GPCPD1: variants seen among roughly 807,000 people sequenced by gnomAD.
The protein encoded by GPCPD1 is glycerophosphocholine phosphodiesterase GPCPD1.
Under a neutral mutation model 89.2 loss-of-function variants are expected in GPCPD1, and 29 were observed. That is an observed-to-expected ratio of 0.33 (90% CI 0.24 to 0.44). The LOEUF (loss-of-function observed/expected upper bound fraction) is 0.44, where lower values mean the gene tolerates loss of function less well. Ranked by LOEUF, GPCPD1 falls within the 20% of genes least tolerant of loss-of-function variation. The pLI, the probability that GPCPD1 is intolerant of heterozygous loss-of-function variation, is 1.00. For missense variants in GPCPD1, 594 were observed against 808.9 expected (o/e 0.73, Z 3.22); for synonymous variants, 258 against 266.3 (o/e 0.97, Z 0.30).
chr20:5,589,785 CA>C (rs2122738084), intron 4 of GPCPD1, among the ~76,000 whole-genome samples: 1 of 152,186 alleles, frequency 6.6e-6, no homozygotes, highest in South Asian at 2.1e-4. Flanking sequence ...AGTTCTGAAA[CA>C]AAACATTCTG....
chr20:5,610,952 C>T lies in GPCPD1; in HGVS notation c.-139G>A, dbSNP rs1198832149. ...GTCCGTGCCTCGCCAGCGCTCCCCC[C>T]AGGCGGCCTGCCGCGGCGTCGAGCG... On this transcript the variant is annotated 5_prime_UTR_variant, in exon 1 of 20. Coordinates refer to ENST00000379019, the MANE Select transcript of GPCPD1 (RefSeq NM_019593.5). 6.7e-6 allele frequency: 1 copy of T among 149,258 alleles called. No homozygotes were observed. Among genetic ancestry groups the T allele is most frequent in the African/African-American group, 2.5e-5 (1 of 40,606 alleles). 9.2% of individuals were successfully genotyped at this position (149,258 alleles called of 1,614,324 possible).
intron 1 of GPCPD1, among the ~76,000 whole-genome samples, chr20:5,610,534 T>C (rs1467132019): frequency 6.6e-6 from 1 of 152,158 alleles, no homozygotes; most frequent in Non-Finnish European, 1.5e-5. Context: ...GGTAGTCCTA[T>C]GCTCCACGCA....
At chr20:5,583,225 C>CAAAAAA (rs35153907) in intron 6 of GPCPD1, among the ~76,000 whole-genome samples, 4 of 64,284 alleles carry the variant, frequency 6.2e-5, no homozygotes, top group African/African-American at 1.4e-4. Flanking sequence ...AACTCCATCT[C>CAAAAAA]AAAAAAAAAA....
In GPCPD1 at chr20:5,547,792, G is replaced by A. The variant is rs1302047631; in HGVS notation, c.1888C>T (p.Leu630=). 6.2e-7 allele frequency: 1 copy of A among 1,610,792 alleles called. No individual in the cohort carries two copies. Among genetic ancestry groups the A allele is most frequent in the South Asian group, 1.1e-5 (1 of 90,856 alleles). The change falls in exon 20 of 20, where the codon CTG becomes TTG. Residue 630 remains leucine, a synonymous_variant. Coordinates refer to ENST00000379019, the MANE Select transcript of GPCPD1 (RefSeq NM_019593.5). ...NIFQVEQLER[L]KQELPELKSC... is the part of the protein sequence containing the mutation. ...TTAAGCTCTGGCAATTCCTGCTTCA[G>A]GCGTTCCAATTGCTCCACTTGGAAT...
intron 11 of GPCPD1, 66 bp downstream of exon 11, chr20:5,573,849 T>C (rs1986856677): frequency 1.2e-6 from 1 of 858,546 alleles, no homozygotes; most frequent in Admixed American, 1.8e-5. Flanking sequence ...TAATAAAAAC[T>C]GGAGGAGACT....
chr20:5,608,737 C>T (rs16991129), intron 1 of GPCPD1, among the ~76,000 whole-genome samples: 1 of 152,100 alleles, frequency 6.6e-6, no homozygotes, highest in Non-Finnish European at 1.5e-5. Flanking sequence ...GATAATTTAA[C>T]CAACTCGCCT....
chr20:5,570,696 C>T (rs1448010919), intron 11 of GPCPD1, among the ~76,000 whole-genome samples: 1 of 152,132 alleles, frequency 6.6e-6, no homozygotes, highest in Non-Finnish European at 1.5e-5. Flanking sequence ...CCTGAGCAGT[C>T]CACTGTACAG....
chr20:5,567,896 A>G (rs1044531312), intron 12 of GPCPD1: 2 of 184,554 alleles, frequency 1.1e-5, no homozygotes, highest in Non-Finnish European at 2.2e-5. Context: ...TATGCTGTCT[A>G]TACATTTTCT....
chr20:5,593,237 A>C, intron 4 of GPCPD1, 90 bp downstream of exon 4: 1 of 709,728 alleles, frequency 1.4e-6, no homozygotes, highest in Non-Finnish European at 2.5e-6. Context: ...ACCAAAGCAA[A>C]TGCATTTTAC....
chr20:5,548,960 C>T lies in GPCPD1; in HGVS notation c.1830-1110G>A, dbSNP rs191586899. 1.1e-5 allele frequency: 11 copies of T among 983,576 alleles called. No individual in the cohort carries two copies. The African/African-American group carries it at 1.5e-4, about 13-fold the overall frequency. The allele number at this position is 983,576 out of a possible 1,614,324, so 60.9% of individuals were successfully genotyped here. On this transcript the variant is annotated intron_variant, in intron 19 of 19. Transcript: ENST00000379019. ...AAACATCCTCTACAGAACAGATGGG[C>T]ACTCTGGTTTTTTTAAAAAAGATAA...
At chr20:5,555,886 A>C (rs1028747572) in intron 19 of GPCPD1, among the ~76,000 whole-genome samples, 3 of 152,190 alleles carry the variant, frequency 2.0e-5, no homozygotes, top group Non-Finnish European at 4.4e-5. Context: ...AAGATGTTTT[A>C]CTGTGGGTGA....
chr20:5,569,270 A>G (rs1443393956), intron 12 of GPCPD1, among the ~76,000 whole-genome samples: 1 of 152,140 alleles, frequency 6.6e-6, no homozygotes, highest in African/African-American at 2.4e-5. Flanking sequence ...CACACTCTTT[A>G]ATACAACAGA....
chr20:5,589,161 T>C (rs558827735), intron 4 of GPCPD1, among the ~76,000 whole-genome samples: 2 of 152,290 alleles, frequency 1.3e-5, no homozygotes, highest in Admixed American at 6.5e-5. Flanking sequence ...ACTATGTCTA[T>C]CATCATTCAG....
chr20:5,561,697 A>G (rs1600724609), intron 15 of GPCPD1, among the ~76,000 whole-genome samples, 167 bp from the exon 16 acceptor site: 2 of 152,266 alleles, frequency 1.3e-5, no homozygotes, highest in African/African-American at 4.8e-5. Flanking sequence ...CAAAGTGACA[A>G]CCTGGTAGAT....
intron 15 of GPCPD1, among the ~76,000 whole-genome samples, chr20:5,563,057 A>C (rs1293361188): frequency 6.7e-6 from 1 of 150,324 alleles, no homozygotes; most frequent in Non-Finnish European, 1.5e-5. Context: ...ATCTCGGCTC[A>C]CTGCAAGCTC....
At chr20:5,607,333 C>CT (rs1219621128) in intron 1 of GPCPD1, among the ~76,000 whole-genome samples, 1 of 151,610 alleles carries the variant, frequency 6.6e-6, no homozygotes, top group African/African-American at 2.4e-5. Flanking sequence ...TGGCTCATGC[C>CT]TGTAATCCCA....
At chr20:5,581,297 G>A (rs963597471) in intron 6 of GPCPD1, among the ~76,000 whole-genome samples, 1 of 152,068 alleles carries the variant, frequency 6.6e-6, no homozygotes, top group Admixed American at 6.5e-5. Context: ...GAAGTAGGGG[G>A]AAAAATTAAA....
chr20:5,609,588 G>A (rs553039077), intron 1 of GPCPD1, among the ~76,000 whole-genome samples: 4 of 151,978 alleles, frequency 2.6e-5, no homozygotes, highest in Non-Finnish European at 4.4e-5. Flanking sequence ...TAACTCATAC[G>A]TAAAGATTCG....
Position 5,604,548 on chromosome 20 carries a change from T to C in GPCPD1, c.-28-108A>G, listed in dbSNP as rs79953336. ...GCTATTTATATTTTTAAAAGCAATATTTAATGTCTTTGCAGTTTTATGGTG... is the reference window on the plus strand; with the variant it reads ...GCTATTTATATTTTTAAAAGCAATACTTAATGTCTTTGCAGTTTTATGGTG... On this transcript the variant is annotated intron_variant, in intron 1 of 19. Coordinates refer to ENST00000379019, the MANE Select transcript of GPCPD1 (RefSeq NM_019593.5). The C allele has an allele frequency of 5.2e-3, 2,216 of 429,772 alleles. 60 individuals carry two copies. The highest frequency in any genetic ancestry group is 0.046 in the African/African-American group (2,067 of 44,532). The allele number at this position is 429,772 out of a possible 1,614,324, so 26.6% of individuals were successfully genotyped here. A position where few individuals can be genotyped will look rare whatever the true frequency, so the allele number is the denominator to read the frequency against.
Sources: allele counts gnomAD v4.1 joint callset (sites outside exome capture counted in the v4.1 genomes callset), GRCh38; gene constraint gnomAD v4.1.1; transcripts MANE v1.5; gene names NCBI Gene and HGNC (gene_info 2026-07-23, HGNC 2026-07-21).